Variants in CACNA1B observed in about 807,000 individuals in gnomAD.
CACNA1B encodes calcium voltage-gated channel subunit alpha1 B.
Under a neutral mutation model 247.2 loss-of-function variants are expected in CACNA1B, and 70 were observed. The ratio of observed to expected loss-of-function variants is 0.28; its 90% CI spans 0.23 to 0.35. The LOEUF (loss-of-function observed/expected upper bound fraction) is 0.35. CACNA1B is among the 10% of genes least tolerant of loss of function. CACNA1B has a pLI of 1.00. For missense variants in CACNA1B, 2,367 were observed against 3,197.4 expected, an observed-to-expected ratio of 0.74 and a Z score of 6.26; for synonymous variants, 1,231 against 1,294.4, an observed-to-expected ratio of 0.95 and a Z score of 1.05.
rs1482023367 is a variant in CACNA1B, at chr9:138,102,921, G to A, written c.5319+114G>A. On this transcript the variant is annotated intron_variant, in intron 38 of 46. Transcript: ENST00000371372. The surrounding 1 kb of genome is among the most constrained non-coding windows in gnomAD (Gnocchi z 5.4). ...CAGGGTGCCCGGCTGTCTGTCTGCC[G>A]CTCTGCTGTGCGCCCCCGGCTGCCT... is the stretch of plus-strand genomic sequence containing the variant. 5.5e-5 allele frequency: 35 copies of A among 631,500 alleles called. No individual in the cohort carries two copies. Among genetic ancestry groups the A allele is most frequent in the East Asian group, 1.2e-4 (4 of 34,342 alleles). 39.1% of individuals were successfully genotyped at this position (631,500 alleles called of 1,614,324 possible).
At chr9:138,062,926 G>T (rs553316944) in intron 31 of CACNA1B, among the ~76,000 whole-genome samples, 1 of 152,342 alleles carries the variant, frequency 6.6e-6, no homozygotes, top group South Asian at 2.1e-4. Flanking sequence ...CAGCCTACCC[G>T]CAGTAGAAGT....
At chr9:137,958,157 G>C (rs996380116) in intron 10 of CACNA1B, among the ~76,000 whole-genome samples, 1 of 152,130 alleles carries the variant, frequency 6.6e-6, no homozygotes, top group African/African-American at 2.4e-5. Context: ...GAGTGGACCA[G>C]ATTTAGAAGA....
At chr9:138,093,749 A>C (rs907994124) in intron 36 of CACNA1B, among the ~76,000 whole-genome samples, 3 of 151,992 alleles carry the variant, frequency 2.0e-5, no homozygotes, top group African/African-American at 4.8e-5. Context: ...CAAAAAAAAA[A>C]CTAATAAATT....
chr9:138,101,288 C>T lies in CACNA1B; in HGVS notation c.5223-1423C>T, dbSNP rs1013711298. 8.8e-5 allele frequency: 41 copies of T among 468,548 alleles called. 1 individual carries two copies. Among genetic ancestry groups the T allele is most frequent in the South Asian group, 5.7e-4 (37 of 64,740 alleles). The allele number at this position is 468,548 out of a possible 1,614,324, so 29.0% of individuals were successfully genotyped here. A position where few individuals can be genotyped will look rare whatever the true frequency, so the allele number is the denominator to read the frequency against. On this transcript the variant is annotated intron_variant, in intron 37 of 46. Transcript: ENST00000371372. ...TCCCTGCCTGGTTTGGGAATGACGACGCCTCACCTTTCTTTCCTCCTGTCC... is the reference window on the plus strand; with the variant it reads ...TCCCTGCCTGGTTTGGGAATGACGATGCCTCACCTTTCTTTCCTCCTGTCC...
At position 138,025,076 on chromosome 9, in the gene CACNA1B, G is replaced by A. The variant is rs1300134377; in HGVS notation, c.3190G>A (p.Val1064Ile). Residue 1064 changes from valine (V) to isoleucine (I), a missense_variant, in exon 20 of 47, where the codon GTC becomes ATC. Coordinates refer to ENST00000371372, the MANE Select transcript of CACNA1B (RefSeq NM_000718.4). ...AGAGGATGCAGACAATCAGCGGAAC[G>A]TCACTCGCATGGGCAGTCAGCCCCC... ...QPEDADNQRNVTRMGSQPPDP... is the reference protein window; with the variant it reads ...QPEDADNQRNITRMGSQPPDP... The A allele has an allele frequency of 1.9e-6, 3 of 1,613,068 alleles. No individual in the cohort carries two copies. Among genetic ancestry groups the A allele is most frequent in the South Asian group, 1.1e-5 (1 of 90,748 alleles).
Position 138,088,959 on chromosome 9 carries a change from C to CAAAAAA in CACNA1B, c.5095-7495_5095-7490dup, listed in dbSNP as rs56112600. Among the ~76,000 whole-genome samples, 117 of 61,390 alleles carry CAAAAAA rather than the reference C, an allele frequency of 1.9e-3. 1 individual carries two copies. Among genetic ancestry groups the CAAAAAA allele is most frequent in the Non-Finnish European group, 3.1e-3 (91 of 29,220 alleles). 40.3% of individuals were successfully genotyped at this position (61,390 alleles called of 152,430 possible). A position where few individuals can be genotyped will look rare whatever the true frequency, so the allele number is the denominator to read the frequency against. On this transcript the variant is annotated intron_variant, in intron 36 of 46. Transcript: ENST00000371372. ...GGACAACAAGAGCAAAACTCCGTCT[C>CAAAAAA]AAAAAAAAAAAAAAAAAAAAAAAAA...
Position 138,073,370 on chromosome 9 carries a change from C to A in CACNA1B, c.4675-118C>A, listed in dbSNP as rs1156991903. 2 of 657,134 alleles carry A rather than the reference C, an allele frequency of 3.0e-6. No individual in the cohort carries two copies. The highest frequency in any genetic ancestry group is 5.3e-5 in the East Asian group (2 of 38,066). The allele number at this position is 657,134 out of a possible 1,614,324, so 40.7% of individuals were successfully genotyped here. A position where few individuals can be genotyped will look rare whatever the true frequency, so the allele number is the denominator to read the frequency against. On this transcript the variant is annotated intron_variant, in intron 32 of 46. Coordinates refer to ENST00000371372, the MANE Select transcript of CACNA1B (RefSeq NM_000718.4). The surrounding 1 kb of genome is among the most constrained non-coding windows in gnomAD (Gnocchi z 6.4). ...TGAAGCAGAGACCTTTGATTTTAAT[C>A]TTTTTAACCACTTTTCTTTGGGGCC... is the stretch of plus-strand genomic sequence containing the variant.
intron 42 of CACNA1B, among the ~76,000 whole-genome samples, chr9:138,117,334 A>AGGGAGGAAGCCCCTAG (rs1961907206): frequency 6.6e-6 from 1 of 152,074 alleles, no homozygotes; most frequent in Non-Finnish European, 1.5e-5. Context: ...GGGACCCCTG[A>AGGGAGGAAGCCCCTAG]GGGAGGAAGC....
chr9:138,048,968 T>G (rs1174693504), intron 23 of CACNA1B, among the ~76,000 whole-genome samples: 1 of 152,226 alleles, frequency 6.6e-6, no homozygotes, highest in African/African-American at 2.4e-5. Flanking sequence ...TCCACCCGCC[T>G]CAGCCTCCCA....
Position 138,112,432 on chromosome 9 carries a change from G to A in CACNA1B, c.5463G>A (p.Leu1821=), listed in dbSNP as rs756147572. ...GTKQHQCDAE[L]RKEISVVWAN... The stretch of plus-strand genomic sequence containing the variant: ...AGCAGCATCAGTGTGACGCGGAGTT[G>A]AGGAAGGAGATTTCCGTTGTGTGGG... The change falls in exon 40 of 47, where the codon TTG becomes TTA. Residue 1821 remains leucine (L), a synonymous_variant. Coordinates refer to ENST00000371372, the MANE Select transcript of CACNA1B (RefSeq NM_000718.4). 1.9e-6 allele frequency: 3 copies of A among 1,613,782 alleles called. No homozygotes were observed. The highest frequency in any genetic ancestry group is 2.5e-6 in the Non-Finnish European group (3 of 1,179,682).
intron 3 of CACNA1B, among the ~76,000 whole-genome samples, chr9:137,910,175 C>T (rs1957344689): frequency 6.6e-6 from 1 of 152,160 alleles, no homozygotes. Context: ...CACCTATCGG[C>T]CATTTGTGTA....
At chr9:138,030,356 CGT>C in intron 20 of CACNA1B, among the ~76,000 whole-genome samples, 1 of 151,082 alleles carries the variant, frequency 6.6e-6, no homozygotes, top group South Asian at 2.1e-4. Flanking sequence ...TTGATATTAT[CGT>C]GTGTGTTTTT....
intron 40 of CACNA1B, among the ~76,000 whole-genome samples, chr9:138,113,441 C>T (rs933060861): frequency 1.7e-4 from 25 of 151,078 alleles, no homozygotes; most frequent in Non-Finnish European, 4.4e-5. Flanking sequence ...TGCCCAACTC[C>T]ATCTTGTGGG....
chr9:137,949,452 G>C (rs1589027323), intron 6 of CACNA1B, among the ~76,000 whole-genome samples: 1 of 146,424 alleles, frequency 6.8e-6, no homozygotes, highest in African/African-American at 2.5e-5. Flanking sequence ...TGTGGGGTGT[G>C]TGCGTGTGTG....
chr9:137,897,974 T>G (rs1443127024), intron 3 of CACNA1B, among the ~76,000 whole-genome samples: 4 of 152,238 alleles, frequency 2.6e-5, no homozygotes, highest in African/African-American at 9.6e-5. Context: ...TCTGTTTAGA[T>G]AAATTTCTTT....
chr9:137,950,580 T>G lies in CACNA1B; in HGVS notation c.967-1694T>G, dbSNP rs1957867397. Among the ~76,000 whole-genome samples, 1 of 152,120 alleles carries G rather than the reference T, an allele frequency of 6.6e-6. No homozygotes were observed. Among genetic ancestry groups the G allele is most frequent in the Non-Finnish European group, 1.5e-5 (1 of 68,010 alleles). On this transcript the variant is annotated intron_variant, in intron 6 of 46. Coordinates refer to ENST00000371372, the MANE Select transcript of CACNA1B (RefSeq NM_000718.4). This position sits in a 1 kb window ranked among gnomAD's most constrained non-coding sequence, Gnocchi z 4.8. Reference sequence around the variant, plus strand: ...CTGGGTCTTTGCTGGAAGGGAGGGATGGAGATGGAGCCAGCGTTTTCTGTG... The same window carrying G: ...CTGGGTCTTTGCTGGAAGGGAGGGAGGGAGATGGAGCCAGCGTTTTCTGTG...
At chr9:137,961,876 G>A (rs146737437) in intron 10 of CACNA1B, among the ~76,000 whole-genome samples, 13 of 152,280 alleles carry the variant, frequency 8.5e-5, no homozygotes, top group African/African-American at 2.9e-4. Flanking sequence ...TTTGGTATGA[G>A]GATGATGCTG....
At chr9:138,067,002 A>G (rs752054750) in intron 31 of CACNA1B, among the ~76,000 whole-genome samples, 5 of 152,210 alleles carry the variant, frequency 3.3e-5, no homozygotes, top group Admixed American at 1.3e-4. Context: ...GAAAAATAAG[A>G]AGGTAAAATA....
rs542542593 is a variant in CACNA1B, at chr9:138,087,519, A to G, written c.5095-8965A>G. 8.3e-5 allele frequency among the ~76,000 whole-genome samples: 12 copies of G among 144,166 alleles called. 1 individual carries two copies. In the East Asian group the frequency reaches 2.7e-3, roughly 32 times the overall value. 94.6% of individuals were successfully genotyped at this position (144,166 alleles called of 152,430 possible). A position where few individuals can be genotyped will look rare whatever the true frequency, so the allele number is the denominator to read the frequency against. On this transcript the variant is annotated intron_variant, in intron 36 of 46. Transcript: ENST00000371372. ...ATCACGAGGTCAAGAGATCGACACC[A>G]TCCTGGCCAACATGGTGAAACCCCG...
Sources: gnomAD v4.1 joint callset for allele counts (sites outside exome capture counted in the v4.1 genomes callset) on GRCh38, gnomAD v4.1.1 for gene constraint, Gnocchi (gnomAD v3.1) non-coding constraint, MANE v1.5 for transcripts, NCBI Gene and HGNC (gene_info 2026-07-23, HGNC 2026-07-21) for gene names.